GPC5: variants seen among roughly 807,000 people sequenced by gnomAD.
The protein encoded by GPC5 is glypican 5, also known as glypican-5.
Under a neutral mutation model 53.9 loss-of-function variants are expected in GPC5, and 47 were observed. The observed-to-expected ratio is 0.87, with a 90% confidence interval of 0.69 to 1.11. GPC5 has a LOEUF of 1.11. GPC5 is among the 50% of genes most tolerant of loss of function. The pLI is 0.00. For missense variants in GPC5, 748 were observed against 713.1 expected (o/e 1.05, Z -0.56); for synonymous variants, 286 against 263.3 (o/e 1.09, Z -0.84).
intron 6 of GPC5, among the ~76,000 whole-genome samples, chr13:92,029,812 A>G (rs2040827320): frequency 6.6e-6 from 1 of 152,148 alleles, no homozygotes; most frequent in Admixed American, 6.5e-5. Context: ...CATCAGCTTG[A>G]TGTTTCCACA....
At chr13:92,034,908 T>G (rs2040880625) in intron 6 of GPC5, among the ~76,000 whole-genome samples, 2 of 152,164 alleles carry the variant, frequency 1.3e-5, no homozygotes, top group South Asian at 4.1e-4. Flanking sequence ...ATGGTAAATT[T>G]TACTTCCTCA....
chr13:92,199,506 A>G lies in GPC5; in HGVS notation c.1561+54517A>G, dbSNP rs192269332. 2.6e-5 allele frequency among the ~76,000 whole-genome samples: 4 copies of G among 152,342 alleles called. No individual in the cohort carries two copies. In the East Asian group the frequency reaches 7.7e-4, roughly 29 times the overall value. On this transcript the variant is annotated intron_variant, in intron 7 of 7. Coordinates refer to ENST00000377067, the MANE Select transcript of GPC5 (RefSeq NM_004466.6). ...AAAAAAGATATTTTCTTTCATAAAA[A>G]TTTAAAGTAGGTTCCATCATTGTTG...
At chr13:91,934,400 C>A (rs530502190) in intron 6 of GPC5, among the ~76,000 whole-genome samples, 1 of 152,008 alleles carries the variant, frequency 6.6e-6, no homozygotes, top group East Asian at 1.9e-4. Context: ...TGACACATTG[C>A]AGATTGCTCT....
intron 4 of GPC5, among the ~76,000 whole-genome samples, chr13:91,752,631 G>A (rs143452147): frequency 1.5e-4 from 23 of 152,016 alleles, no homozygotes; most frequent in African/African-American, 4.8e-4. Flanking sequence ...TTCTTCCTTC[G>A]TTCTTTTCAC....
chr13:91,728,733 A>G, intron 4 of GPC5, 68 bp downstream of exon 4: 1 of 1,456,032 alleles, frequency 6.9e-7, no homozygotes, highest in East Asian at 2.4e-5. Flanking sequence ...ACAGAATAGA[A>G]CATATTCAAT....
intron 2 of GPC5, among the ~76,000 whole-genome samples, chr13:91,450,261 G>A (rs953042501): frequency 6.6e-6 from 1 of 152,070 alleles, no homozygotes; most frequent in Admixed American, 6.6e-5. Flanking sequence ...AAAATTTACT[G>A]ATATACATTT....
intron 7 of GPC5, among the ~76,000 whole-genome samples, chr13:92,328,427 A>T (rs2043266951): frequency 6.6e-6 from 1 of 152,168 alleles, no homozygotes; most frequent in African/African-American, 2.4e-5. Context: ...AGTAAGAAAG[A>T]TCTGAATTTT....
chr13:91,462,485 A>C (rs949954313), intron 2 of GPC5, among the ~76,000 whole-genome samples: 3 of 152,148 alleles, frequency 2.0e-5, no homozygotes, highest in Admixed American at 2.0e-4. Context: ...TGTGAAGGGC[A>C]ATTTTTATTT....
At chr13:92,096,017 G>A (rs1037425156) in intron 6 of GPC5, among the ~76,000 whole-genome samples, 2 of 152,146 alleles carry the variant, frequency 1.3e-5, no homozygotes, top group Non-Finnish European at 2.9e-5. Flanking sequence ...CACATGTTGG[G>A]ACCACAACCT....
chr13:91,619,573 A>G (rs2033796185), intron 2 of GPC5, among the ~76,000 whole-genome samples: 1 of 152,106 alleles, frequency 6.6e-6, no homozygotes, highest in South Asian at 2.1e-4. Flanking sequence ...TTACTTTTCA[A>G]CAAATGATTC....
At chr13:92,706,187 T>G (rs1340495938) in intron 7 of GPC5, 1 of 152,114 alleles carries the variant, frequency 6.6e-6, no homozygotes, top group Non-Finnish European at 1.5e-5. Context: ...CTCTTTTCCT[T>G]TATTGTACAA....
chr13:92,314,729 A>T (rs1157816391), intron 7 of GPC5, among the ~76,000 whole-genome samples: 1 of 152,200 alleles, frequency 6.6e-6, no homozygotes, highest in Non-Finnish European at 1.5e-5. Context: ...AAGACCAGAG[A>T]GGAGAAACTG....
intron 2 of GPC5, among the ~76,000 whole-genome samples, chr13:91,516,400 G>T (rs1421462391): frequency 6.6e-6 from 1 of 152,190 alleles, no homozygotes; most frequent in African/African-American, 2.4e-5. Flanking sequence ...ATCCTGTGGG[G>T]CAGTCAAATT....
intron 7 of GPC5, among the ~76,000 whole-genome samples, chr13:92,791,819 T>TGGC (rs1876474497): frequency 1.3e-5 from 2 of 152,116 alleles, no homozygotes; most frequent in South Asian, 4.1e-4. Context: ...TTTACTACAT[T>TGGC]ATTATTTTTT....
intron 3 of GPC5, among the ~76,000 whole-genome samples, chr13:91,723,391 G>A (rs188400091): frequency 6.7e-6 from 1 of 149,878 alleles, no homozygotes; most frequent in Non-Finnish European, 1.5e-5. Context: ...CATTAACTTG[G>A]TTTTGATCTC....
chr13:91,578,075 G>A (rs2032205394), intron 2 of GPC5, among the ~76,000 whole-genome samples: 1 of 152,160 alleles, frequency 6.6e-6, no homozygotes, highest in South Asian at 2.1e-4. Context: ...ATGTTGTAAG[G>A]ATGCTCAAGC....
intron 6 of GPC5, among the ~76,000 whole-genome samples, chr13:92,138,501 C>G (rs1029763761): frequency 6.7e-6 from 1 of 150,328 alleles, no homozygotes; most frequent in African/African-American, 2.5e-5. Context: ...GGCTGGGTGA[C>G]AGAGCCAGAC....
chr13:92,138,373 AC>A (rs1256170404), intron 6 of GPC5, among the ~76,000 whole-genome samples: 1 of 151,696 alleles, frequency 6.6e-6, no homozygotes, highest in Non-Finnish European at 1.5e-5. Context: ...TACAAAAATT[AC>A]CTGGGCGTGG....
chr13:92,213,451 A>G (rs1289635078), intron 7 of GPC5, among the ~76,000 whole-genome samples: 3 of 151,880 alleles, frequency 2.0e-5, no homozygotes, highest in Non-Finnish European at 4.4e-5. Flanking sequence ...CTTACCTCTG[A>G]GAATCTGTCA....
Sources: gnomAD v4.1 joint callset for allele counts (sites outside exome capture counted in the v4.1 genomes callset) on GRCh38, gnomAD v4.1.1 for gene constraint, MANE v1.5 for transcripts, NCBI Gene and HGNC (gene_info 2026-07-23, HGNC 2026-07-21) for gene names.